FSTL5: variants seen among roughly 807,000 people sequenced by gnomAD.
FSTL5 encodes the protein follistatin-related protein 5.
FSTL5 carries 62 observed loss-of-function variants against 89.1 expected under a neutral mutation model. The ratio of observed to expected loss-of-function variants is 0.70; its 90% confidence interval spans 0.57 to 0.86. FSTL5 has a LOEUF of 0.86. FSTL5 is among the 40% of genes least tolerant of loss of function. The pLI is 0.00. For missense variants in FSTL5, 1,057 were observed against 1,001.6 expected, an observed-to-expected ratio of 1.06 and a Z score of -0.75; for synonymous variants, 383 against 346.2, an observed-to-expected ratio of 1.11 and a Z score of -1.18.
At chr4:161,538,366 T>G (rs1731706278) in intron 9 of FSTL5, 66 bp from the exon 10 acceptor site, 6 of 1,553,370 alleles carry the variant, frequency 3.9e-6, no homozygotes, top group Non-Finnish European at 5.3e-6. Flanking sequence ...GCTTTCTGAT[T>G]ACACAGTCAA....
intron 4 of FSTL5, among the ~76,000 whole-genome samples, chr4:161,822,806 CAACTAGAGGGTGAATAAGGCAGAGAAGTT>C (rs1467104442): frequency 6.6e-6 from 1 of 152,194 alleles, no homozygotes; most frequent in East Asian, 1.9e-4. Flanking sequence ...GGTACATGGA[CAACTAGAGGGTGAATAAGGCAGAGAAGTT>C]TCACTGAATG....
chr4:161,761,807 T>C (rs1740815830), intron 5 of FSTL5, among the ~76,000 whole-genome samples: 6 of 152,310 alleles, frequency 3.9e-5, no homozygotes, highest in Admixed American at 3.3e-4. Flanking sequence ...TACTGAAGCA[T>C]ATCCATGCAT....
chr4:161,632,558 A>G (rs1735538499), intron 7 of FSTL5, among the ~76,000 whole-genome samples: 1 of 152,180 alleles, frequency 6.6e-6, no homozygotes, highest in Non-Finnish European at 1.5e-5. Context: ...GTGTAAATGC[A>G]ATTGTATTCT....
chr4:161,551,434 TG>T (rs2126557611), intron 8 of FSTL5, among the ~76,000 whole-genome samples: 1 of 151,898 alleles, frequency 6.6e-6, no homozygotes, highest in South Asian at 2.1e-4. Flanking sequence ...TGGGGTTGTT[TG>T]TTTTTTTCTT....
intron 6 of FSTL5, among the ~76,000 whole-genome samples, chr4:161,670,152 C>T (rs186699777): frequency 2.0e-5 from 3 of 152,178 alleles, no homozygotes; most frequent in Non-Finnish European, 4.4e-5. Context: ...CACTTACTAA[C>T]GAAATTCAGT....
chr4:161,495,432 T>G (rs1730033848), intron 12 of FSTL5: 1 of 152,124 alleles, frequency 6.6e-6, no homozygotes, highest in Non-Finnish European at 1.5e-5. Flanking sequence ...TAGAATTCTA[T>G]TTGCTTGAAG....
rs1023049535 is a variant in FSTL5 at position 162,062,876 on chromosome 4, T to G, written c.127-29218A>C. Among the ~76,000 whole-genome samples, 5 of 151,758 alleles carry G rather than the reference T, an allele frequency of 3.3e-5. No individual in the cohort carries two copies. The South Asian group carries it at 1.0e-3, about 31-fold the overall frequency. On this transcript the variant is annotated intron_variant, in intron 2 of 15. Transcript: ENST00000306100. ...ATTGCAAAGGGCCTTGTAATCAAAT[T>G]TCTATATAGACAAAATATTGTGTTT...
chr4:161,427,964 A>T (rs939519341), intron 15 of FSTL5, among the ~76,000 whole-genome samples: 1 of 152,100 alleles, frequency 6.6e-6, no homozygotes, highest in Non-Finnish European at 1.5e-5. Flanking sequence ...TCTTATCACT[A>T]AAAGAGGCAC....
chr4:161,736,235 A>C (rs1042868524), intron 6 of FSTL5, among the ~76,000 whole-genome samples: 10 of 152,176 alleles, frequency 6.6e-5, no homozygotes, highest in Admixed American at 2.0e-4. Flanking sequence ...CTATATGACT[A>C]TTTAGAAGAT....
At chr4:161,998,912 G>T (rs1303343919) in intron 3 of FSTL5, among the ~76,000 whole-genome samples, 1 of 150,390 alleles carries the variant, frequency 6.6e-6, no homozygotes, top group African/African-American at 2.4e-5. Flanking sequence ...TTGGAATTTG[G>T]TATCTTATTT....
chr4:161,804,671 A>T (rs373465131), intron 4 of FSTL5, among the ~76,000 whole-genome samples: 1 of 152,042 alleles, frequency 6.6e-6, no homozygotes, highest in Admixed American at 6.6e-5. Flanking sequence ...TGCCTAACGA[A>T]ATTTTTAAAA....
intron 4 of FSTL5, among the ~76,000 whole-genome samples, chr4:161,856,158 G>T (rs1579145205): frequency 6.6e-6 from 1 of 152,142 alleles, no homozygotes; most frequent in East Asian, 1.9e-4. Context: ...AGTGATCTTA[G>T]TTCAATTTTG....
intron 15 of FSTL5, among the ~76,000 whole-genome samples, chr4:161,393,744 G>A (rs959540103): frequency 3.3e-5 from 5 of 152,142 alleles, no homozygotes; most frequent in African/African-American, 9.7e-5. Flanking sequence ...TGCTGGTCCT[G>A]GAAGAAAGGA....
intron 4 of FSTL5, among the ~76,000 whole-genome samples, chr4:161,820,030 C>A (rs1220519702): frequency 2.0e-4 from 30 of 151,822 alleles, no homozygotes; most frequent in Admixed American, 2.0e-3. Context: ...CTTTATTATG[C>A]AAAGTTTTTA....
At chr4:161,723,959 T>A (rs908295616) in intron 6 of FSTL5, among the ~76,000 whole-genome samples, 7 of 152,116 alleles carry the variant, frequency 4.6e-5, no homozygotes, top group Admixed American at 2.0e-4. Flanking sequence ...CTATTAAATG[T>A]TGAAAGCCAT....
rs974085684 is a variant in FSTL5 at position 162,143,819 on chromosome 4, C to T, written c.-17+19796G>A. Among the ~76,000 whole-genome samples the T allele has an allele frequency of 2.0e-4, 20 of 101,382 alleles. 1 individual carries two copies. Among genetic ancestry groups the T allele is most frequent in the African/African-American group, 5.7e-4 (20 of 35,016 alleles). 66.5% of individuals were successfully genotyped at this position (101,382 alleles called of 152,430 possible). On this transcript the variant is annotated intron_variant, in intron 1 of 15. Transcript: ENST00000306100. ...ACACACACACACACACACACACACA[C>T]ATACAAACACACACGGCAGGAAAAA...
At chr4:161,865,190 A>G (rs948160456) in intron 4 of FSTL5, among the ~76,000 whole-genome samples, 7 of 152,136 alleles carry the variant, frequency 4.6e-5, no homozygotes, top group African/African-American at 1.7e-4. Flanking sequence ...AAAATACACA[A>G]TGCTCAGAAG....
At chr4:161,796,172 T>A (rs751342454) in intron 4 of FSTL5, among the ~76,000 whole-genome samples, 1 of 152,000 alleles carries the variant, frequency 6.6e-6, no homozygotes, top group Non-Finnish European at 1.5e-5. Flanking sequence ...AAGTAGAATA[T>A]GCTATAGAAC....
intron 10 of FSTL5, among the ~76,000 whole-genome samples, chr4:161,525,084 G>C (rs1731172827): frequency 6.6e-6 from 1 of 151,974 alleles, no homozygotes; most frequent in Non-Finnish European, 1.5e-5. Context: ...GAGACTACTT[G>C]TTTCTGTGTC....
Sources: gnomAD v4.1 joint callset for allele counts (sites outside exome capture counted in the v4.1 genomes callset) on GRCh38, gnomAD v4.1.1 for gene constraint, MANE v1.5 for transcripts, NCBI Gene and HGNC (gene_info 2026-07-23, HGNC 2026-07-21) for gene names.